Variants in CASP10 observed in about 807,000 individuals in gnomAD.
CASP10 encodes the protein caspase 10.
A neutral mutation model predicts 48.5 loss-of-function variants in CASP10; 41 were observed. The ratio of observed to expected loss-of-function variants is 0.85; its 90% confidence interval spans 0.66 to 1.10. The LOEUF is 1.10. Ranked by LOEUF, CASP10 falls within the 50% of genes least tolerant of loss-of-function variation. The pLI is 0.00. For missense variants in CASP10, 614 were observed against 614.5 expected (o/e 1.00, Z 0.01); for synonymous variants, 232 against 238.4 (o/e 0.97, Z 0.25).
Position 201,203,767 on chromosome 2 carries a change from G to A in CASP10, c.721+1G>A, listed in dbSNP as rs1476766456. On this transcript the variant is annotated splice_donor_variant, in intron 6 of 9. Coordinates refer to ENST00000286186, the MANE Select transcript of CASP10 (RefSeq NM_032977.4). LOFTEE classifies it high-confidence loss of function. ...CAAAATAAGCATGCAGGTAGTAATG[G>A]TAGGTATTTCTAATGTACTTTTTAC... The A allele has an allele frequency of 3.7e-6, 6 of 1,612,380 alleles. No individual in the cohort carries two copies. Among genetic ancestry groups the A allele is most frequent in the Non-Finnish European group, 5.1e-6 (6 of 1,178,556 alleles).
chr2:201,208,963 C>A, intron 8 of CASP10, 107 bp from the exon 9 acceptor site: 1 of 1,235,550 alleles, frequency 8.1e-7, no homozygotes, highest in South Asian at 1.4e-5. Flanking sequence ...TAGGTGTGAG[C>A]CACTGTGCCC....
chr2:201,193,148 C>A lies in CASP10; in HGVS notation c.577+29C>A, dbSNP rs376619426. Reference sequence around the variant, plus strand: ...AGTAGCTTGTGATTGCTAACTTGGACCAGACCATGGAAATTCTTAAACCAA... The same window carrying A: ...AGTAGCTTGTGATTGCTAACTTGGAACAGACCATGGAAATTCTTAAACCAA... On this transcript the variant is annotated intron_variant, in intron 4 of 9. Transcript: ENST00000286186. 1.1e-5 allele frequency: 17 copies of A among 1,608,312 alleles called. No individual in the cohort carries two copies. In the African/African-American group the frequency reaches 2.1e-4, roughly 20 times the overall value.
chr2:201,225,679 T>G (rs926402849), downstream of CASP10, among the ~76,000 whole-genome samples: 2 of 152,142 alleles, frequency 1.3e-5, no homozygotes, highest in Admixed American at 1.3e-4. Flanking sequence ...ATTTAAAAAT[T>G]GAAGGATGAG....
chr2:201,211,754 C>A (rs1428547736), intron 9 of CASP10, among the ~76,000 whole-genome samples: 2 of 152,080 alleles, frequency 1.3e-5, no homozygotes, highest in Non-Finnish European at 2.9e-5. Context: ...ATTGCTGGAT[C>A]ATATAGTATT....
At chr2:201,200,537 A>G (rs1164135034) in intron 5 of CASP10, 26 of 1,597,436 alleles carry the variant, frequency 1.6e-5, no homozygotes, top group Non-Finnish European at 2.2e-5. Flanking sequence ...GCAAACGCCC[A>G]CCTGAAGACT....
exon 10 of CASP10, chr2:201,229,278 T>C: frequency 1.6e-6 from 1 of 630,880 alleles, no homozygotes; most frequent in Non-Finnish European, 2.8e-6. Flanking sequence ...TCTTGTTTCA[T>C]CGTAAACATA....
chr2:201,227,819 A>G (rs1413296445), intron 9 of CASP10, among the ~76,000 whole-genome samples: 1 of 151,772 alleles, frequency 6.6e-6, no homozygotes, highest in Non-Finnish European at 1.5e-5. Flanking sequence ...TCGGTCTCCC[A>G]AAGTGCTGGG....
At chr2:201,217,368 C>A (rs1359187292) in intron 9 of CASP10, among the ~76,000 whole-genome samples, 1 of 152,094 alleles carries the variant, frequency 6.6e-6, no homozygotes, top group Non-Finnish European at 1.5e-5. Flanking sequence ...GGGTTCGAGA[C>A]CAGCCTGGGC....
chr2:201,190,908 C>T (rs1006458796), intron 3 of CASP10, among the ~76,000 whole-genome samples: 1 of 152,032 alleles, frequency 6.6e-6, no homozygotes, highest in African/African-American at 2.4e-5. Flanking sequence ...GTTGCCCAGT[C>T]TGGAGTGCAA....
intron 5 of CASP10, among the ~76,000 whole-genome samples, 172 bp from the exon 6 acceptor site, chr2:201,203,558 T>A (rs1289197697): frequency 2.6e-5 from 4 of 152,106 alleles, no homozygotes; most frequent in African/African-American, 9.7e-5. Context: ...CCACCTGCCT[T>A]GGCCTCCCAA....
Position 201,201,198 on chromosome 2 carries a change from C to T in CASP10, c.685-2532C>T, listed in dbSNP as rs1054705367. Among the ~76,000 whole-genome samples the T allele has an allele frequency of 2.0e-5, 3 of 151,940 alleles. No individual in the cohort carries two copies. In the South Asian group the frequency reaches 6.2e-4, roughly 32 times the overall value. On this transcript the variant is annotated intron_variant, in intron 5 of 9. Coordinates refer to ENST00000286186, the MANE Select transcript of CASP10 (RefSeq NM_032977.4). ...CCTAGTAGCTGGGATTACAGGCACC[C>T]GCCACCATGCCTGGCTAATTTTTTT... is the stretch of plus-strand genomic sequence containing the variant.
At chr2:201,184,953 T>C (rs941853112) in intron 1 of CASP10, among the ~76,000 whole-genome samples, 5 of 152,208 alleles carry the variant, frequency 3.3e-5, no homozygotes, top group Non-Finnish European at 7.3e-5. Context: ...AACTCTTGTC[T>C]AAAACCACCC....
Position 201,219,488 on chromosome 2 carries a change from A to G in CASP10, c.*1747A>G, listed in dbSNP as rs1239981261. ...TCCTCAGGGCTGGCAGATGCAGTAG[A>G]CTGCAGTGGACAGTCCCCACCTTGT... is the stretch of plus-strand genomic sequence containing the variant. On this transcript the variant is annotated 3_prime_UTR_variant, in exon 10 of 10. Transcript: ENST00000286186. 1.0e-6 allele frequency: 1 copy of G among 985,260 alleles called. No homozygotes were observed. Among genetic ancestry groups the G allele is most frequent in the African/African-American group, 1.7e-5 (1 of 57,212 alleles). The allele number at this position is 985,260 out of a possible 1,614,324, so 61.0% of individuals were successfully genotyped here. A position where few individuals can be genotyped will look rare whatever the true frequency, so the allele number is the denominator to read the frequency against.
rs367567321 is a variant in CASP10, at chr2:201,208,030, C to G, written c.814-45C>G. 277 of 1,403,044 alleles carry G rather than the reference C, an allele frequency of 2.0e-4. 1 individual carries two copies. Among genetic ancestry groups the G allele is most frequent in the Admixed American group, 4.9e-4 (29 of 59,494 alleles). The allele number at this position is 1,403,044 out of a possible 1,614,324, so 86.9% of individuals were successfully genotyped here. A position where few individuals can be genotyped will look rare whatever the true frequency, so the allele number is the denominator to read the frequency against. On this transcript the variant is annotated intron_variant, in intron 7 of 9. Transcript: ENST00000286186. ...GTGGTTGGTTAGAAACATTTAAGGCCCTAAGATAAGGATTCCTACTAAGTG... is the reference window on the plus strand; with the variant it reads ...GTGGTTGGTTAGAAACATTTAAGGCGCTAAGATAAGGATTCCTACTAAGTG...
chr2:201,189,188 T>A (rs1421747813), intron 3 of CASP10, among the ~76,000 whole-genome samples: 1 of 152,078 alleles, frequency 6.6e-6, no homozygotes, highest in East Asian at 1.9e-4. Flanking sequence ...TAGAATTGTA[T>A]CATTTCGTTT....
chr2:201,183,908 C>T (rs1331539749), intron 1 of CASP10, among the ~76,000 whole-genome samples: 3 of 151,758 alleles, frequency 2.0e-5, no homozygotes, highest in South Asian at 2.1e-4. Context: ...TTATTTGAGA[C>T]GGAGTCTCCC....
chr2:201,217,491 G>T, intron 9 of CASP10, 97 bp from the exon 10 acceptor site: 1 of 763,732 alleles, frequency 1.3e-6, no homozygotes, highest in South Asian at 1.4e-5. Flanking sequence ...TCCAGGAGGT[G>T]GAGGCTGCAG....
chr2:201,194,916 C>T (rs1425394166), intron 4 of CASP10, among the ~76,000 whole-genome samples: 24 of 151,308 alleles, frequency 1.6e-4, no homozygotes, highest in Non-Finnish European at 5.9e-5. Flanking sequence ...GTAGCTGGGA[C>T]TACAAGCGCC....
intron 9 of CASP10, among the ~76,000 whole-genome samples, chr2:201,211,562 A>G (rs1945395453): frequency 1.3e-5 from 2 of 152,090 alleles, no homozygotes; most frequent in East Asian, 1.9e-4. Context: ...TTCTTTTTTT[A>G]TGGCTGAATG....
Sources: gnomAD v4.1 joint callset for allele counts (sites outside exome capture counted in the v4.1 genomes callset) on GRCh38, gnomAD v4.1.1 for gene constraint, MANE v1.5 for transcripts, NCBI Gene and HGNC (gene_info 2026-07-23, HGNC 2026-07-21) for gene names.